CPNE7: variants seen among roughly 807,000 people sequenced by gnomAD.
The protein encoded by CPNE7 is copine 7.
CPNE7 carries 78 observed loss-of-function variants against 66.5 expected under a neutral mutation model. The ratio of observed to expected loss-of-function variants is 1.17; its 90% CI spans 0.98 to 1.42. The LOEUF is 1.42. CPNE7 is among the 40% of genes most tolerant of loss of function. The pLI is 0.00. For missense variants in CPNE7, 1,012 were observed against 776.6 expected, an observed-to-expected ratio of 1.30 and a Z score of -3.60; for synonymous variants, 468 against 336.7, an observed-to-expected ratio of 1.39 and a Z score of -4.27.
At chr16:89,583,486 G>C in intron 2 of CPNE7, 1 of 1,554,060 alleles carries the variant, frequency 6.4e-7, no homozygotes, top group Non-Finnish European at 8.7e-7. Flanking sequence ...CTGGCGCCGT[G>C]AGGTGGTGGA....
rs567029957 is a variant in CPNE7 at position 89,585,760 on chromosome 16, T to C, written c.755T>C (p.Met252Thr). The C allele has an allele frequency of 4.9e-6, 7 of 1,417,046 alleles. No individual in the cohort carries two copies. The South Asian group carries it at 6.1e-5, about 12-fold the overall frequency. 87.8% of individuals were successfully genotyped at this position (1,417,046 alleles called of 1,614,324 possible). Reference sequence around the variant, plus strand: ...GAATTCTCTACCACCTTCGAGGAGATGCAGAAGGCCTTTGAGGAGGGGCAG... The same window carrying C: ...GAATTCTCTACCACCTTCGAGGAGACGCAGAAGGCCTTTGAGGAGGGGCAG... ...IGEFSTTFEE[M>T]QKAFEEGQAQ... The change falls in exon 7 of 15, where the codon ATG (methionine) becomes ACG (threonine). Residue 252 changes from methionine to threonine, a missense_variant. Coordinates refer to ENST00000319518, the MANE Select transcript of CPNE7 (RefSeq NM_153636.3).
At chr16:89,578,918 C>T (rs766533546) in intron 2 of CPNE7, 2 of 1,613,928 alleles carry the variant, frequency 1.2e-6, no homozygotes, top group Non-Finnish European at 8.5e-7. Flanking sequence ...CTGGGCCCTG[C>T]TGGACACTGC....
intron 7 of CPNE7, 130 bp from the exon 8 acceptor site, chr16:89,586,540 C>A: frequency 1.4e-6 from 1 of 690,546 alleles, no homozygotes; most frequent in Non-Finnish European, 2.5e-6. Flanking sequence ...TGCCCTGCAG[C>A]AGTGCCCTCC....
intron 2 of CPNE7, 174 bp from the exon 3 acceptor site, chr16:89,583,523 T>C (rs1322796623): frequency 1.3e-6 from 2 of 1,567,370 alleles, no homozygotes; most frequent in Admixed American, 3.8e-5. Context: ...CACGCAGGGA[T>C]GGCAGGTGCT....
At position 89,583,140 on chromosome 16, in the gene CPNE7, C is replaced by T. The variant is rs113740672; in HGVS notation, c.358-557C>T. On this transcript the variant is annotated intron_variant, in intron 2 of 14. Coordinates refer to ENST00000319518, the MANE Select transcript of CPNE7 (RefSeq NM_153636.3). ...CCAGGGTCTAAGCCCCAGTCCACTT[C>T]GAACAATCAACTCTGCTCCTTGGCA... Among the ~76,000 whole-genome samples, 153 of 152,348 alleles carry T rather than the reference C, an allele frequency of 1.0e-3. 2 individuals carry two copies. Among genetic ancestry groups the T allele is most frequent in the African/African-American group, 3.4e-3 (140 of 41,588 alleles).
intron 3 of CPNE7, 101 bp from the exon 4 acceptor site, chr16:89,583,927 G>A (rs1353929499): frequency 2.0e-6 from 3 of 1,492,944 alleles, no homozygotes; most frequent in Non-Finnish European, 1.8e-6. Context: ...CCTCCTCTCA[G>A]GCCCCGCTGG....
Position 89,577,423 on chromosome 16 carries a change from A to C in CPNE7, c.175-116A>C. On this transcript the variant is annotated intron_variant, in intron 1 of 14. Coordinates refer to ENST00000319518, the MANE Select transcript of CPNE7 (RefSeq NM_153636.3). Reference sequence around the variant, plus strand: ...CAGAGAGCAGGCAGGAGGTCTTCCCAGGGTATGAGTCCTCCTGAGGTACCT... The same window carrying C: ...CAGAGAGCAGGCAGGAGGTCTTCCCCGGGTATGAGTCCTCCTGAGGTACCT... 7 of 1,060,272 alleles carry C rather than the reference A, an allele frequency of 6.6e-6. No individual in the cohort carries two copies. In the South Asian group the frequency reaches 9.4e-5, roughly 14 times the overall value. 65.7% of individuals were successfully genotyped at this position (1,060,272 alleles called of 1,614,324 possible). A position where few individuals can be genotyped will look rare whatever the true frequency, so the allele number is the denominator to read the frequency against.
At position 89,595,466 on chromosome 16, in the gene CPNE7, A is replaced by C; in HGVS notation, c.1402A>C (p.Ile468Leu). 1 of 1,612,496 alleles carries C rather than the reference A, an allele frequency of 6.2e-7. No individual in the cohort carries two copies. The highest frequency in any genetic ancestry group is 1.1e-5 in the South Asian group (1 of 91,032). ...TGCCTCACGCCTGCCCATGTCCATC[A>C]TCATCGTGGGCGTGGGCAACGCCGA... ...VRASRLPMSI[I>L]IVGVGNADFT... The change falls in exon 14 of 15, where the codon ATC (isoleucine) becomes CTC (leucine). Residue 468 changes from isoleucine (I) to leucine (L), a missense_variant. Ile to Leu is a conservative substitution (Grantham distance 5). Coordinates refer to ENST00000319518, the MANE Select transcript of CPNE7 (RefSeq NM_153636.3).
At chr16:89,594,642 C>CTTTTTTT (rs57032352) in intron 13 of CPNE7, among the ~76,000 whole-genome samples, 1 of 86,904 alleles carries the variant, frequency 1.2e-5, no homozygotes, top group East Asian at 6.3e-4. Flanking sequence ...TCCATTCTGC[C>CTTTTTTT]TTTTTTTTTT....
intron 11 of CPNE7, 77 bp from the exon 12 acceptor site, chr16:89,590,930 G>A (rs1295450558): frequency 6.6e-7 from 1 of 1,524,696 alleles, no homozygotes; most frequent in Admixed American, 1.7e-5. Context: ...GACGGGGGGA[G>A]CAGCTGACCG....
intron 14 of CPNE7, chr16:89,596,036 G>C: frequency 2.2e-6 from 1 of 463,616 alleles, no homozygotes; most frequent in East Asian, 5.7e-5. Flanking sequence ...TCACACATGA[G>C]GCCCTACAGC....
At chr16:89,590,448 C>A (rs997938960) in intron 11 of CPNE7, among the ~76,000 whole-genome samples, 13 of 152,116 alleles carry the variant, frequency 8.5e-5, no homozygotes, top group African/African-American at 3.1e-4. Flanking sequence ...TTGCTTGAAC[C>A]CGGGAGGCAG....
At chr16:89,579,719 C>T (rs1180406964) in intron 2 of CPNE7, among the ~76,000 whole-genome samples, 1 of 150,616 alleles carries the variant, frequency 6.6e-6, no homozygotes, top group Non-Finnish European at 1.5e-5. Context: ...TCCCATCACC[C>T]ATCACACGGA....
chr16:89,583,397 C>T, intron 2 of CPNE7: 2 of 1,528,002 alleles, frequency 1.3e-6, no homozygotes, highest in South Asian at 1.2e-5. Flanking sequence ...GGGCTGTGAG[C>T]TGCTTCCTGG....
chr16:89,585,678 G>T lies in CPNE7; in HGVS notation c.682-9G>T. ...AGACAGCAGTGCTGAGGAGGACTGG[G>T]CTCCCCAGTGCCTGGTCTGGGATTA... is the stretch of plus-strand genomic sequence containing the variant. On this transcript the variant is annotated splice_polypyrimidine_tract_variant and intron_variant, in intron 6 of 14. Transcript: ENST00000319518. The T allele has an allele frequency of 6.4e-7, 1 of 1,552,754 alleles. No homozygotes were observed. Among genetic ancestry groups the T allele is most frequent in the Non-Finnish European group, 8.7e-7 (1 of 1,147,388 alleles).
In CPNE7 at chr16:89,577,572, C is replaced by T. The variant is rs373791273; in HGVS notation, c.208C>T (p.His70Tyr). 256 of 1,552,456 alleles carry T rather than the reference C, an allele frequency of 1.6e-4. 1 individual carries two copies. The highest frequency in any genetic ancestry group is 1.5e-4 in the Non-Finnish European group (175 of 1,147,460). The stretch of plus-strand genomic sequence containing the variant: ...AACCGAGGTGGTCCGGAGCAGCCTG[C>T]ATCCCGTGTTCTCCAAGGTCTTCAC... Reference protein sequence around the residue: ...GRTEVVRSSLHPVFSKVFTVD... With the variant: ...GRTEVVRSSLYPVFSKVFTVD... Residue 70 changes from histidine (H) to tyrosine (Y), a missense_variant, in exon 2 of 15, where the codon CAT becomes TAT. Coordinates refer to ENST00000319518, the MANE Select transcript of CPNE7 (RefSeq NM_153636.3).
intron 1 of CPNE7, 70 bp downstream of exon 1, chr16:89,576,141 C>A: frequency 8.3e-7 from 1 of 1,204,796 alleles, no homozygotes; most frequent in Non-Finnish European, 1.0e-6. Context: ...GATGCGGAGA[C>A]CAGAGCGGGC....
At position 89,584,978 on chromosome 16, in the gene CPNE7, G is replaced by T; in HGVS notation, c.591+121G>T. The T allele has an allele frequency of 1.1e-6, 1 of 895,500 alleles. No individual in the cohort carries two copies. Among genetic ancestry groups the T allele is most frequent in the South Asian group, 1.5e-5 (1 of 66,470 alleles). 55.5% of individuals were successfully genotyped at this position (895,500 alleles called of 1,614,324 possible). ...AGGGAGCTGTGGGCGCAGGGCTTTG[G>T]TGGCTGTGGCTATGGCCAGAATCCA... is the stretch of plus-strand genomic sequence containing the variant. On this transcript the variant is annotated intron_variant, in intron 5 of 14. Coordinates refer to ENST00000319518, the MANE Select transcript of CPNE7 (RefSeq NM_153636.3). This position sits in a 1 kb window ranked among gnomAD's most constrained non-coding sequence, Gnocchi z 6.0.
intron 2 of CPNE7, among the ~76,000 whole-genome samples, chr16:89,580,352 C>G (rs2058933311): frequency 6.7e-6 from 1 of 149,112 alleles, no homozygotes; most frequent in Non-Finnish European, 1.5e-5. Flanking sequence ...CATCCCATCA[C>G]CCGTCACACG....
Sources: allele counts gnomAD v4.1 joint callset (sites outside exome capture counted in the v4.1 genomes callset), GRCh38; gene constraint gnomAD v4.1.1; non-coding constraint Gnocchi (gnomAD v3.1); transcripts MANE v1.5; gene names NCBI Gene and HGNC (gene_info 2026-07-23, HGNC 2026-07-21).